The following MACC1 variants were observed in gnomAD, a reference collection of about 807,000 sequenced individuals.
The protein encoded by MACC1 is MET transcriptional regulator MACC1.
MACC1 carries 79 observed loss-of-function variants against 70.7 expected under a neutral mutation model. The ratio of observed to expected loss-of-function variants is 1.12; its 90% CI spans 0.93 to 1.35. The LOEUF (loss-of-function observed/expected upper bound fraction) is 1.35, where lower values mean the gene tolerates loss of function less well. Ranked by LOEUF, MACC1 falls within the 40% of genes most tolerant of loss-of-function variation. MACC1 has a pLI of 0.00. For synonymous variants in MACC1, 361 were observed against 347.2 expected, an observed-to-expected ratio of 1.04 and a Z score of -0.44; for missense variants, 1,106 against 978.1, an observed-to-expected ratio of 1.13 and a Z score of -1.74.
chr7:20,178,108 C>G (rs1434711662), intron 1 of MACC1, among the ~76,000 whole-genome samples: 1 of 151,966 alleles, frequency 6.6e-6, no homozygotes, highest in Non-Finnish European at 1.5e-5. Context: ...GTTTTAAGAT[C>G]TCAGTTTACC....
chr7:20,140,937 G>T lies in MACC1; in HGVS notation c.*9C>A. On this transcript the variant is annotated 3_prime_UTR_variant, in exon 7 of 7. Transcript: ENST00000400331. ...ATTTTCCCTCCCATCAAAAACACAC[G>T]CTTTGTTTCTATACTTCCTCAGAAG... The T allele has an allele frequency of 6.3e-7, 1 of 1,599,282 alleles. No individual in the cohort carries two copies. The highest frequency in any genetic ancestry group is 1.1e-5 in the South Asian group (1 of 89,864).
At chr7:20,146,929 G>T (rs887976349) in intron 6 of MACC1, among the ~76,000 whole-genome samples, 1 of 152,124 alleles carries the variant, frequency 6.6e-6, no homozygotes, top group African/African-American at 2.4e-5. Context: ...AATAGGAAGC[G>T]TGAGGCTGAT....
rs10555255 is a variant in MACC1, at chr7:20,140,802, T to TACACAC, written c.*138_*143dup. 6.6e-6 allele frequency: 3 copies of TACACAC among 456,844 alleles called. No homozygotes were observed. Among genetic ancestry groups the TACACAC allele is most frequent in the South Asian group, 6.0e-5 (1 of 16,638 alleles). The allele number at this position is 456,844 out of a possible 1,614,324, so 28.3% of individuals were successfully genotyped here. The stretch of plus-strand genomic sequence containing the variant: ...TGCTTTTCTGAGATTCTTTCTTTCC[T>TACACAC]ACACACACACACACACACACACAGA... On this transcript the variant is annotated 3_prime_UTR_variant, in exon 7 of 7. Coordinates refer to ENST00000400331, the MANE Select transcript of MACC1 (RefSeq NM_182762.4).
At chr7:20,175,726 A>G (rs548841334) in intron 1 of MACC1, among the ~76,000 whole-genome samples, 15 of 152,020 alleles carry the variant, frequency 9.9e-5, no homozygotes, top group Middle Eastern at 3.2e-3. Flanking sequence ...CTTTTCTTCT[A>G]TTTCTCCTTC....
intron 1 of MACC1, among the ~76,000 whole-genome samples, chr7:20,206,950 A>G (rs1241768692): frequency 6.6e-6 from 1 of 152,152 alleles, no homozygotes; most frequent in Non-Finnish European, 1.5e-5. Context: ...TAGTATCTCT[A>G]AAATCTTCTG....
At chr7:20,169,055 C>G (rs896707204) in intron 2 of MACC1, among the ~76,000 whole-genome samples, 1 of 152,166 alleles carries the variant, frequency 6.6e-6, no homozygotes, top group Non-Finnish European at 1.5e-5. Context: ...TCCTCAGAAA[C>G]AGTTTTGTTA....
At chr7:20,167,499 A>G (rs1007840851) in intron 2 of MACC1, among the ~76,000 whole-genome samples, 11 of 151,808 alleles carry the variant, frequency 7.2e-5, no homozygotes, top group African/African-American at 2.4e-4. Context: ...CCTGGCCTCC[A>G]TTATCCTCAT....
At chr7:20,204,942 TC>T (rs1288418250) in intron 1 of MACC1, among the ~76,000 whole-genome samples, 1 of 152,198 alleles carries the variant, frequency 6.6e-6, no homozygotes, top group African/African-American at 2.4e-5. Flanking sequence ...AAAGAGCCTC[TC>T]CTAGCACCCT....
chr7:20,147,851 A>C (rs1781916417), intron 6 of MACC1, among the ~76,000 whole-genome samples: 1 of 152,198 alleles, frequency 6.6e-6, no homozygotes, highest in African/African-American at 2.4e-5. Context: ...ACATTATAGG[A>C]AAACCTGCTG....
At chr7:20,181,720 T>C (rs531189424) in intron 1 of MACC1, among the ~76,000 whole-genome samples, 1 of 152,264 alleles carries the variant, frequency 6.6e-6, no homozygotes, top group South Asian at 2.1e-4. Context: ...AAAGGTACAA[T>C]GTAATGAGAT....
At chr7:20,194,024 T>C (rs192217503) in intron 1 of MACC1, among the ~76,000 whole-genome samples, 31 of 152,280 alleles carry the variant, frequency 2.0e-4, no homozygotes, top group African/African-American at 6.5e-4. Context: ...GGCCAGCGGT[T>C]CTCTGATCTG....
intron 1 of MACC1, among the ~76,000 whole-genome samples, chr7:20,200,203 A>C (rs73084520): frequency 0.11 from 16,373 of 152,136 alleles, 1,112 homozygotes; most frequent in East Asian, 0.31. Context: ...AACTGAAAAA[A>C]CACGAAGAAT....
At chr7:20,192,126 T>C (rs961563273) in intron 1 of MACC1, among the ~76,000 whole-genome samples, 14 of 152,244 alleles carry the variant, frequency 9.2e-5, no homozygotes, top group African/African-American at 3.1e-4. Flanking sequence ...TTAGTAGATT[T>C]ATGCAAGTTA....
intron 1 of MACC1, among the ~76,000 whole-genome samples, chr7:20,180,251 T>C (rs1055390581): frequency 3.3e-5 from 5 of 151,082 alleles, no homozygotes; most frequent in Non-Finnish European, 7.4e-5. Context: ...GAGACCATCC[T>C]GGCCAACACG....
chr7:20,158,831 G>C lies in MACC1; in HGVS notation c.1530C>G (p.Asn510Lys), dbSNP rs764571971. The C allele has an allele frequency of 4.3e-6, 7 of 1,613,978 alleles. No homozygotes were observed. The South Asian group carries it at 7.7e-5, about 18-fold the overall frequency. Residue 510 changes from asparagine (N) to lysine (K), a missense_variant, in exon 5 of 7, where the codon AAC becomes AAG. By Grantham distance (94) the Asn-to-Lys change is moderately conservative. Transcript: ENST00000400331. ...CTGGCAGATTCGAGAGTCTTTTTAG[G>C]TTTGGGGTTGGATCAGGAGTAGTGA... is the stretch of plus-strand genomic sequence containing the variant. The part of the protein sequence containing the change: ...FSITTPDPTP[N>K]LKRLSNLPGY...
At chr7:20,210,499 A>G (rs762778826) in intron 1 of MACC1, among the ~76,000 whole-genome samples, 3 of 152,208 alleles carry the variant, frequency 2.0e-5, no homozygotes, top group African/African-American at 4.8e-5. Context: ...AATACATGCT[A>G]ACTGAATAAA....
At chr7:20,150,622 A>G (rs1284627762) in intron 6 of MACC1, 1 of 152,236 alleles carries the variant, frequency 6.6e-6, no homozygotes, top group Admixed American at 6.5e-5. Context: ...AAAAATTACC[A>G]TTAGGAACAT....
rs1451782742 is a variant in MACC1, at chr7:20,137,778, T to C, written c.*3168A>G. 6.6e-6 allele frequency: 1 copy of C among 152,188 alleles called. No homozygotes were observed. Among genetic ancestry groups the C allele is most frequent in the Admixed American group, 6.5e-5 (1 of 15,288 alleles). 9.4% of individuals were successfully genotyped at this position (152,188 alleles called of 1,614,324 possible). ...AAATCCATTATAGCAAGAAAAAATA[T>C]AAAGTTCAGAAAAGTAGAAACTATT... On this transcript the variant is annotated 3_prime_UTR_variant, in exon 7 of 7. Transcript: ENST00000400331.
In MACC1 at chr7:20,178,294, CACACT is replaced by C. The variant is rs869267793; in HGVS notation, c.-217-7521_-217-7517del. 1.8e-3 allele frequency among the ~76,000 whole-genome samples: 75 copies of C among 42,290 alleles called. 1 individual carries two copies. In the East Asian group the frequency reaches 0.17, roughly 98 times the overall value. 27.7% of individuals were successfully genotyped at this position (42,290 alleles called of 152,430 possible). ...ACACACACACACACACACACACACA[CACACT>C]CCAGAGAATAATTGATTCAATTTAT... On this transcript the variant is annotated intron_variant, in intron 1 of 6. Coordinates refer to ENST00000400331, the MANE Select transcript of MACC1 (RefSeq NM_182762.4).
Sources: allele counts gnomAD v4.1 joint callset (sites outside exome capture counted in the v4.1 genomes callset), GRCh38; gene constraint gnomAD v4.1.1; transcripts MANE v1.5; gene names NCBI Gene and HGNC (gene_info 2026-07-23, HGNC 2026-07-21).